Variants in MAP2K2 observed in about 807,000 individuals in gnomAD.
MAP2K2 encodes the protein dual specificity mitogen-activated protein kinase kinase 2.
A neutral mutation model predicts 43.7 loss-of-function variants in MAP2K2; 24 were observed. The ratio of observed to expected loss-of-function variants is 0.55; its 90% confidence interval spans 0.40 to 0.77. MAP2K2 has a LOEUF of 0.77. Ranked by LOEUF, MAP2K2 falls within the 30% of genes least tolerant of loss-of-function variation. The pLI, the probability that MAP2K2 is intolerant of heterozygous loss-of-function variation, is 0.00. For missense variants in MAP2K2, 470 were observed against 566.8 expected (o/e 0.83, Z 1.73); for synonymous variants, 244 against 239.7 (o/e 1.02, Z -0.17).
At chr19:4,094,532 TGGA>T (rs765808369) in intron 9 of MAP2K2, 34 bp from the exon 10 acceptor site, 3 of 1,555,988 alleles carry the variant, frequency 1.9e-6, no homozygotes, top group East Asian at 2.4e-5. Flanking sequence ...CGGGAGGCGG[TGGA>T]GGAGACAAGA....
chr19:4,103,769 ACCT>A (rs2041048709), intron 3 of MAP2K2, among the ~76,000 whole-genome samples: 1 of 152,108 alleles, frequency 6.6e-6, no homozygotes, highest in African/African-American at 2.4e-5. Flanking sequence ...ACGCTTTGAG[ACCT>A]CTAAAGCATA....
intron 6 of MAP2K2, chr19:4,099,713 C>CCT (rs2040973753): frequency 2.2e-6 from 1 of 462,644 alleles, no homozygotes; most frequent in Non-Finnish European, 3.9e-6. Context: ...GGGGCCTCCT[C>CCT]CTCCACAGCT....
chr19:4,101,764 G>C lies in MAP2K2; in HGVS notation c.529-484C>G, dbSNP rs2041015305. Among the ~76,000 whole-genome samples the C allele has an allele frequency of 6.6e-6, 1 of 152,208 alleles. No individual in the cohort carries two copies. The highest frequency in any genetic ancestry group is 1.5e-5 in the Non-Finnish European group (1 of 68,026). On this transcript the variant is annotated intron_variant, in intron 4 of 10. Coordinates refer to ENST00000262948, the MANE Select transcript of MAP2K2 (RefSeq NM_030662.4). The surrounding 1 kb of genome is among the most constrained non-coding windows in gnomAD (Gnocchi z 6.3). ...CCCGAGAAGTGAAGCAAGCAGCACA[G>C]GCAGTGTGACGGCAGCTTTCAACTC... is the stretch of plus-strand genomic sequence containing the variant.
At chr19:4,109,861 A>G (rs1295626503) in intron 3 of MAP2K2, among the ~76,000 whole-genome samples, 3 of 152,136 alleles carry the variant, frequency 2.0e-5, no homozygotes, top group Non-Finnish European at 4.4e-5. Context: ...CCTGCGAGTC[A>G]GTGCCATGTT....
Position 4,115,540 on chromosome 19 carries a change from A to G in MAP2K2, c.303+1879T>C, listed in dbSNP as rs1235007305. ...CACCCAGTGCTTCGGGCGGAGGCGG[A>G]CCTGAGCTTTCCAAGGCTGCTCCGG... On this transcript the variant is annotated intron_variant, in intron 2 of 10. Transcript: ENST00000262948. The surrounding 1 kb of genome is among the most constrained non-coding windows in gnomAD (Gnocchi z 4.1). 6.6e-6 allele frequency among the ~76,000 whole-genome samples: 1 copy of G among 152,150 alleles called. No homozygotes were observed. The highest frequency in any genetic ancestry group is 2.4e-5 in the African/African-American group (1 of 41,448).
chr19:4,097,414 A>G, intron 7 of MAP2K2, 71 bp from the exon 8 acceptor site: 1 of 1,230,770 alleles, frequency 8.1e-7, no homozygotes, highest in Non-Finnish European at 1.2e-6. Context: ...TTGGGCTCCC[A>G]GGGGGCTGAT....
chr19:4,100,902 G>A (rs1054277679), intron 6 of MAP2K2, 117 bp downstream of exon 6: 30 of 1,204,920 alleles, frequency 2.5e-5, no homozygotes, highest in African/African-American at 2.0e-4. Flanking sequence ...GGACAGCTGC[G>A]CAGGAGACAT....
intron 2 of MAP2K2, among the ~76,000 whole-genome samples, chr19:4,112,941 A>G (rs1367795873): frequency 6.6e-6 from 1 of 152,112 alleles, no homozygotes; most frequent in East Asian, 1.9e-4. Flanking sequence ...ATTTGTTTTC[A>G]CACCGAGCCC....
chr19:4,107,360 TA>T (rs1458534726), intron 3 of MAP2K2, among the ~76,000 whole-genome samples: 1 of 151,146 alleles, frequency 6.6e-6, no homozygotes, highest in Non-Finnish European at 1.5e-5. Context: ...CCGTCTCTAC[TA>T]AAAATACAAA....
At chr19:4,119,287 T>C (rs2041264620) in intron 1 of MAP2K2, among the ~76,000 whole-genome samples, 2 of 152,148 alleles carry the variant, frequency 1.3e-5, no homozygotes, top group Admixed American at 1.3e-4. Flanking sequence ...AGTGGTGTGA[T>C]CTTGGCTCAC....
At chr19:4,114,550 A>C (rs1039243815) in intron 2 of MAP2K2, among the ~76,000 whole-genome samples, 2 of 152,234 alleles carry the variant, frequency 1.3e-5, no homozygotes. Flanking sequence ...CAAGTTCTTC[A>C]CCTATCTCCC....
At chr19:4,112,593 T>TC (rs1298468838) in intron 2 of MAP2K2, among the ~76,000 whole-genome samples, 1 of 151,062 alleles carries the variant, frequency 6.6e-6, no homozygotes, top group Non-Finnish European at 1.5e-5. Context: ...GGTGCCCACC[T>TC]CCCCCCGCCC....
At position 4,123,768 on chromosome 19, in the gene MAP2K2, AC is replaced by A; in HGVS notation, c.92+15del. 2 of 1,526,520 alleles carry A rather than the reference AC, an allele frequency of 1.3e-6. No homozygotes were observed. The highest frequency in any genetic ancestry group is 1.2e-5 in the South Asian group (1 of 82,138). 94.6% of individuals were successfully genotyped at this position (1,526,520 alleles called of 1,614,324 possible). A position where few individuals can be genotyped will look rare whatever the true frequency, so the allele number is the denominator to read the frequency against. Reference sequence around the variant, plus strand: ...CCCGTGCACCCCAAGCCTCCGGCTGACCCCTGCCCACTCACTCGGAGGCGCC... The same window carrying A: ...CCCGTGCACCCCAAGCCTCCGGCTGACCCTGCCCACTCACTCGGAGGCGCC... On this transcript the variant is annotated intron_variant, in intron 1 of 10. Transcript: ENST00000262948.
At chr19:4,107,226 T>C (rs1214396561) in intron 3 of MAP2K2, among the ~76,000 whole-genome samples, 1 of 151,076 alleles carries the variant, frequency 6.6e-6, no homozygotes, top group African/African-American at 2.4e-5. Flanking sequence ...TGCCATCCCA[T>C]ATCTACAAAA....
rs559343421 is a variant in MAP2K2 at position 4,114,613 on chromosome 19, C to T, written c.303+2806G>A. ...CCAATGGGAGAGGGGTCAGAGGCCA[C>T]GGTCAAGCCAAAAAGACATTTACAA... On this transcript the variant is annotated intron_variant, in intron 2 of 10. Transcript: ENST00000262948. Among the ~76,000 whole-genome samples the T allele has an allele frequency of 6.6e-5, 10 of 152,314 alleles. No individual in the cohort carries two copies. In the South Asian group the frequency reaches 1.0e-3, roughly 16 times the overall value.
chr19:4,099,169 T>C (rs2145049303), intron 7 of MAP2K2, 32 bp downstream of exon 7: 1 of 1,570,648 alleles, frequency 6.4e-7, no homozygotes, highest in South Asian at 1.1e-5. Flanking sequence ...GCACTGCGCG[T>C]CCAGACCGGA....
chr19:4,109,154 C>T (rs913153101), intron 3 of MAP2K2, among the ~76,000 whole-genome samples: 1 of 152,204 alleles, frequency 6.6e-6, no homozygotes, highest in African/African-American at 2.4e-5. Flanking sequence ...CGCTGTGCGG[C>T]AGGCGGTCTG....
chr19:4,094,662 C>A (rs1202569631), intron 9 of MAP2K2, 164 bp from the exon 10 acceptor site: 4 of 682,726 alleles, frequency 5.9e-6, no homozygotes, highest in African/African-American at 5.3e-5. Flanking sequence ...TGCCTCCTGG[C>A]AGAGGACGAG....
At chr19:4,106,736 T>C (rs541643568) in intron 3 of MAP2K2, among the ~76,000 whole-genome samples, 1 of 152,166 alleles carries the variant, frequency 6.6e-6, no homozygotes, top group South Asian at 2.1e-4. Flanking sequence ...CAACCACCCC[T>C]CCACTACATG....
Sources: allele counts gnomAD v4.1 joint callset (sites outside exome capture counted in the v4.1 genomes callset), GRCh38; gene constraint gnomAD v4.1.1; non-coding constraint Gnocchi (gnomAD v3.1); transcripts MANE v1.5; gene names NCBI Gene and HGNC (gene_info 2026-07-23, HGNC 2026-07-21).